Variants in C8orf34 observed in about 807,000 individuals in gnomAD.
The protein encoded by C8orf34 is chromosome 8 open reading frame 34.
A neutral mutation model predicts 68.3 loss-of-function variants in C8orf34; 65 were observed. That is an observed-to-expected ratio of 0.95 (90% CI 0.78 to 1.17). The LOEUF (loss-of-function observed/expected upper bound fraction) is 1.17. Among genes scored for constraint, C8orf34 ranks in the 50% most tolerant of loss-of-function variants. The pLI, the probability that C8orf34 is intolerant of heterozygous loss-of-function variation, is 0.00. For synonymous variants in C8orf34, 244 were observed against 241.2 expected (o/e 1.01, Z -0.11); for missense variants, 664 against 655.4 (o/e 1.01, Z -0.14).
chr8:68,739,917 T>C (rs1822233286), intron 10 of C8orf34, among the ~76,000 whole-genome samples: 2 of 152,014 alleles, frequency 1.3e-5, no homozygotes, highest in African/African-American at 4.8e-5. Flanking sequence ...AACAGACACA[T>C]AGACCAGAAT....
intron 1 of C8orf34, among the ~76,000 whole-genome samples, chr8:68,369,578 A>T (rs1031072024): frequency 1.3e-5 from 2 of 152,204 alleles, no homozygotes; most frequent in African/African-American, 4.8e-5. Flanking sequence ...CCTGACATGT[A>T]ACTTACCTGT....
chr8:68,815,336 A>C (rs1037391160), intron 12 of C8orf34, among the ~76,000 whole-genome samples: 1 of 150,904 alleles, frequency 6.6e-6, no homozygotes, highest in African/African-American at 2.4e-5. Context: ...GTGTGTGTGC[A>C]TATATATGGG....
chr8:68,510,751 G>T (rs563424907), intron 5 of C8orf34, among the ~76,000 whole-genome samples: 17 of 152,254 alleles, frequency 1.1e-4, no homozygotes, highest in African/African-American at 3.9e-4. Context: ...TGGCCTTTTG[G>T]ATTGGCTTTG....
At chr8:68,685,610 C>G (rs188807973) in intron 8 of C8orf34, among the ~76,000 whole-genome samples, 1 of 152,032 alleles carries the variant, frequency 6.6e-6, no homozygotes, top group Non-Finnish European at 1.5e-5. Context: ...AATTTCAGCA[C>G]TTTGGGAGGC....
intron 1 of C8orf34, among the ~76,000 whole-genome samples, chr8:68,409,331 C>T (rs569818327): frequency 9.5e-4 from 144 of 152,226 alleles, no homozygotes; most frequent in African/African-American, 3.3e-3. Flanking sequence ...TATGTTATTG[C>T]CCCTGAAGAC....
intron 8 of C8orf34, among the ~76,000 whole-genome samples, chr8:68,677,888 A>G (rs1237431357): frequency 6.6e-6 from 1 of 152,162 alleles, no homozygotes; most frequent in Non-Finnish European, 1.5e-5. Context: ...GAAATCAGAG[A>G]TGAAAAAGGA....
At chr8:68,660,592 G>A (rs1180557254) in intron 8 of C8orf34, among the ~76,000 whole-genome samples, 1 of 152,166 alleles carries the variant, frequency 6.6e-6, no homozygotes, top group Non-Finnish European at 1.5e-5. Context: ...AATTAGTCAT[G>A]CTCACCTGTG....
chr8:68,486,755 G>T (rs1389403380), intron 4 of C8orf34, among the ~76,000 whole-genome samples: 3 of 152,188 alleles, frequency 2.0e-5, no homozygotes, highest in Non-Finnish European at 2.9e-5. Context: ...GAGGTTCATT[G>T]TCCTGAGGCT....
At chr8:68,599,065 A>G (rs1817625663) in intron 7 of C8orf34, among the ~76,000 whole-genome samples, 1 of 152,150 alleles carries the variant, frequency 6.6e-6, no homozygotes, top group South Asian at 2.1e-4. Flanking sequence ...GATTAAGTTA[A>G]TATAGAAATT....
chr8:68,701,460 T>C (rs1821013941), intron 8 of C8orf34, among the ~76,000 whole-genome samples: 1 of 152,106 alleles, frequency 6.6e-6, no homozygotes, highest in Non-Finnish European at 1.5e-5. Context: ...GTTTTCCTTA[T>C]TTTGCTAAAT....
chr8:68,362,447 C>A (rs1807043462), intron 1 of C8orf34, among the ~76,000 whole-genome samples: 1 of 152,300 alleles, frequency 6.6e-6, no homozygotes, highest in South Asian at 2.1e-4. Flanking sequence ...AGGAACAGCT[C>A]CAGTCTACAG....
chr8:68,651,516 C>T (rs1563586582), intron 8 of C8orf34, among the ~76,000 whole-genome samples: 1 of 152,046 alleles, frequency 6.6e-6, no homozygotes, highest in Non-Finnish European at 1.5e-5. Context: ...TAAGGCCACC[C>T]AGAGAATAAG....
intron 1 of C8orf34, among the ~76,000 whole-genome samples, chr8:68,348,229 C>T (rs1285821744): frequency 6.6e-6 from 1 of 151,938 alleles, no homozygotes; most frequent in African/African-American, 2.4e-5. Context: ...GTTTTTTTCC[C>T]CATTGCTTGC....
chr8:68,534,629 T>C, intron 7 of C8orf34: 1 of 985,498 alleles, frequency 1.0e-6, no homozygotes, highest in South Asian at 4.7e-5. Flanking sequence ...AGATGTAAGC[T>C]CAGCAGGTGG....
intron 8 of C8orf34, among the ~76,000 whole-genome samples, chr8:68,665,584 A>T (rs7012824): frequency 0.22 from 32,989 of 152,050 alleles, 3,867 homozygotes; most frequent in Middle Eastern, 0.35. Context: ...CTCCTCGTGG[A>T]CCTGACCAGC....
intron 8 of C8orf34, among the ~76,000 whole-genome samples, chr8:68,688,430 A>G (rs1009864910): frequency 2.6e-5 from 4 of 152,130 alleles, no homozygotes; most frequent in Non-Finnish European, 4.4e-5. Flanking sequence ...TCAAGGATCT[A>G]GAACCAGAAA....
chr8:68,525,572 TG>T, intron 6 of C8orf34: 3 of 903,878 alleles, frequency 3.3e-6, no homozygotes, highest in Non-Finnish European at 5.4e-6. Flanking sequence ...TACTTCTTTG[TG>T]GTCCATGATG....
At chr8:68,377,212 C>A (rs1246684293) in intron 1 of C8orf34, among the ~76,000 whole-genome samples, 1 of 151,640 alleles carries the variant, frequency 6.6e-6, no homozygotes, top group Non-Finnish European at 1.5e-5. Context: ...GGCAACATGG[C>A]AAAACCTGGT....
intron 5 of C8orf34, among the ~76,000 whole-genome samples, chr8:68,518,337 TTA>T (rs1436255705): frequency 6.6e-6 from 1 of 152,000 alleles, no homozygotes; most frequent in African/African-American, 2.4e-5. Context: ...GTGGGGCCAT[TTA>T]TATATATATA....
Sources: allele counts gnomAD v4.1 joint callset (sites outside exome capture counted in the v4.1 genomes callset), GRCh38; gene constraint gnomAD v4.1.1; transcripts MANE v1.5; gene names NCBI Gene and HGNC (gene_info 2026-07-23, HGNC 2026-07-21).